The following LRP1B variants were observed in gnomAD, a reference collection of about 807,000 sequenced individuals.
The protein encoded by LRP1B is low-density lipoprotein receptor-related protein 1B.
In LRP1B, 217 loss-of-function variants were observed where a neutral mutation model predicts 556.6. The observed-to-expected ratio is 0.39, with a 90% confidence interval of 0.35 to 0.44. LRP1B has a LOEUF of 0.44. LRP1B is among the 20% of genes least tolerant of loss of function. LRP1B has a pLI of 1.00. For synonymous variants in LRP1B, 2,047 were observed against 1,865.8 expected, an observed-to-expected ratio of 1.10 and a Z score of -2.50; for missense variants, 5,053 against 5,620.8, an observed-to-expected ratio of 0.90 and a Z score of 3.23.
intron 2 of LRP1B, among the ~76,000 whole-genome samples, chr2:141,705,103 C>T (rs575756693): frequency 6.6e-6 from 1 of 152,004 alleles, no homozygotes; most frequent in South Asian, 2.1e-4. Flanking sequence ...TATGAGAAAA[C>T]ACATTATTAA....
chr2:141,074,575 C>CTCTG (rs1699733956), intron 7 of LRP1B, among the ~76,000 whole-genome samples: 1 of 94,720 alleles, frequency 1.1e-5, no homozygotes. Flanking sequence ...CTCTGTCTCT[C>CTCTG]TCTCTCTCTC....
At position 140,444,321 on chromosome 2, in the gene LRP1B, G is replaced by T. The variant is rs376058954; in HGVS notation, c.10294+9C>A. 3.7e-6 allele frequency: 6 copies of T among 1,613,556 alleles called. No homozygotes were observed. In the African/African-American group the frequency reaches 6.7e-5, roughly 18 times the overall value. On this transcript the variant is annotated intron_variant, in intron 65 of 90. Coordinates refer to ENST00000389484, the MANE Select transcript of LRP1B (RefSeq NM_018557.3). ...TTAAGACAAGACAGAGTATTTTGAGGTGACTTACGACAGTCTCTTTCATCT... is the reference window on the plus strand; with the variant it reads ...TTAAGACAAGACAGAGTATTTTGAGTTGACTTACGACAGTCTCTTTCATCT...
intron 41 of LRP1B, among the ~76,000 whole-genome samples, chr2:140,663,994 G>A (rs1028458777): frequency 1.3e-5 from 2 of 152,128 alleles, no homozygotes; most frequent in African/African-American, 2.4e-5. Context: ...TGAAGACAGG[G>A]AAAGACACAG....
chr2:140,265,539 C>T (rs1682162247), intron 86 of LRP1B, among the ~76,000 whole-genome samples: 1 of 151,990 alleles, frequency 6.6e-6, no homozygotes, highest in African/African-American at 2.4e-5. Context: ...AAACTGTCAC[C>T]TTCATAGATC....
chr2:141,032,524 A>G (rs1698402227), intron 11 of LRP1B, among the ~76,000 whole-genome samples: 1 of 152,002 alleles, frequency 6.6e-6, no homozygotes, highest in Non-Finnish European at 1.5e-5. Context: ...CTTTAATCTG[A>G]TGAATTTGGT....
At chr2:141,252,827 C>A (rs1684313049) in intron 4 of LRP1B, among the ~76,000 whole-genome samples, 1 of 152,102 alleles carries the variant, frequency 6.6e-6, no homozygotes, top group African/African-American at 2.4e-5. Flanking sequence ...TTTGAGAAAG[C>A]CTAATGATGC....
chr2:141,885,395 G>A (rs967767274), intron 1 of LRP1B, among the ~76,000 whole-genome samples: 2 of 152,124 alleles, frequency 1.3e-5, no homozygotes, highest in African/African-American at 4.8e-5. Flanking sequence ...GTACGTACAT[G>A]ATACAAAGAA....
chr2:141,433,216 T>C (rs1007047551), intron 3 of LRP1B, among the ~76,000 whole-genome samples: 3 of 152,080 alleles, frequency 2.0e-5, no homozygotes, highest in African/African-American at 7.2e-5. Flanking sequence ...CTGTTATTGA[T>C]TTCTAATTTA....
chr2:140,814,516 C>T (rs1691038083), intron 31 of LRP1B, among the ~76,000 whole-genome samples: 2 of 152,192 alleles, frequency 1.3e-5, no homozygotes, highest in Admixed American at 6.5e-5. Context: ...CATTATGCCA[C>T]TTTGCCTCAG....
intron 35 of LRP1B, among the ~76,000 whole-genome samples, chr2:140,766,845 T>TATA (rs1559106303): frequency 4.8e-4 from 20 of 42,068 alleles, no homozygotes; most frequent in African/African-American, 2.4e-3. Context: ...ATATATATAT[T>TATA]ATATATATAT....
At chr2:140,645,279 T>C (rs79702858) in intron 41 of LRP1B, among the ~76,000 whole-genome samples, 6,753 of 152,166 alleles carry the variant, frequency 0.044, 187 homozygotes, top group Middle Eastern at 0.065. Context: ...GGTTTATAAA[T>C]GTATATTTAT....
chr2:140,327,212 C>CTAGACTTT (rs1680534351), intron 79 of LRP1B, among the ~76,000 whole-genome samples: 5 of 152,086 alleles, frequency 3.3e-5, no homozygotes, highest in Admixed American at 3.3e-4. Flanking sequence ...TGAGTCTGTG[C>CTAGACTTT]TAGACTTTTA....
intron 32 of LRP1B, among the ~76,000 whole-genome samples, chr2:140,810,339 T>C (rs193171382): frequency 6.6e-6 from 1 of 152,320 alleles, no homozygotes; most frequent in African/African-American, 2.4e-5. Flanking sequence ...AATCACTTCA[T>C]AGTACAATGA....
At chr2:140,994,464 G>A (rs1697185022) in intron 15 of LRP1B, among the ~76,000 whole-genome samples, 1 of 151,382 alleles carries the variant, frequency 6.6e-6, no homozygotes, top group African/African-American at 2.4e-5. Context: ...AAGTGGTAAT[G>A]GAGAGGAGAA....
intron 1 of LRP1B, among the ~76,000 whole-genome samples, chr2:142,073,584 C>T (rs962965891): frequency 6.6e-6 from 1 of 151,924 alleles, no homozygotes; most frequent in Admixed American, 6.6e-5. Context: ...TCATCTCTGA[C>T]CACAGCAGTC....
intron 41 of LRP1B, among the ~76,000 whole-genome samples, chr2:140,605,558 T>G (rs1176140706): frequency 2.0e-5 from 3 of 151,916 alleles, no homozygotes; most frequent in South Asian, 4.1e-4. Context: ...CTTTATTTTA[T>G]CTTTTTCTTT....
In LRP1B at chr2:140,868,185, G is replaced by A. The variant is rs1409802527; in HGVS notation, c.4248C>T (p.Thr1416=). ...CCCCAGTTTTCATGTCTTTATAGAT[G>A]GTTTTTCTCCCAGCACCACTCATAG... ...SASMSGAGRK[T]IYKDMKTGAW... Residue 1416 remains threonine (T), a synonymous_variant, in exon 26 of 91, where the codon ACC becomes ACT. Coordinates refer to ENST00000389484, the MANE Select transcript of LRP1B (RefSeq NM_018557.3). 2 of 1,609,740 alleles carry A rather than the reference G, an allele frequency of 1.2e-6. No homozygotes were observed. Among genetic ancestry groups the A allele is most frequent in the African/African-American group, 2.7e-5 (2 of 74,152 alleles).
At chr2:141,232,768 A>G (rs1236449226) in intron 5 of LRP1B, among the ~76,000 whole-genome samples, 3 of 152,334 alleles carry the variant, frequency 2.0e-5, no homozygotes, top group South Asian at 2.1e-4. Context: ...GGATACCTAC[A>G]TAAGTTGTGA....
intron 18 of LRP1B, among the ~76,000 whole-genome samples, chr2:140,975,117 T>C (rs536432706): frequency 6.6e-6 from 1 of 152,274 alleles, no homozygotes; most frequent in Admixed American, 6.5e-5. Context: ...ACGTCAGTAA[T>C]GCAACCAAAA....
Sources: allele counts gnomAD v4.1 joint callset (sites outside exome capture counted in the v4.1 genomes callset), GRCh38; gene constraint gnomAD v4.1.1; transcripts MANE v1.5; gene names NCBI Gene and HGNC (gene_info 2026-07-23, HGNC 2026-07-21).